Variants in WASF1 observed in about 807,000 individuals in gnomAD.
The protein encoded by WASF1 is actin-binding protein WASF1.
WASF1 carries 7 observed loss-of-function variants against 50.5 expected under a neutral mutation model. The ratio of observed to expected loss-of-function variants is 0.14; its 90% confidence interval spans 0.08 to 0.26. The LOEUF is 0.26. WASF1 is among the 10% of genes least tolerant of loss of function. The probability of loss-of-function intolerance (pLI) is 1.00; values close to 1 mark genes in which losing one functional copy is unlikely to be tolerated. For missense variants in WASF1, 470 were observed against 694.7 expected (o/e 0.68, Z 3.64); for synonymous variants, 205 against 244.0 (o/e 0.84, Z 1.49).
intron 3 of WASF1, among the ~76,000 whole-genome samples, chr6:110,148,157 G>A (rs1278072340): frequency 1.3e-5 from 2 of 152,142 alleles, no homozygotes; most frequent in East Asian, 1.9e-4. Context: ...TCTTCATATT[G>A]CAAGTATTTC....
intron 2 of WASF1, among the ~76,000 whole-genome samples, chr6:110,174,538 A>C (rs1420164340): frequency 6.6e-6 from 1 of 152,210 alleles, no homozygotes; most frequent in Non-Finnish European, 1.5e-5. Context: ...TTATCAGTAA[A>C]AGGGGAGATA....
At chr6:110,141,408 T>A (rs1369271905) in intron 3 of WASF1, among the ~76,000 whole-genome samples, 1 of 152,196 alleles carries the variant, frequency 6.6e-6, no homozygotes, top group Non-Finnish European at 1.5e-5. Flanking sequence ...AATATATAAT[T>A]GTTCAAGACT....
intron 2 of WASF1, among the ~76,000 whole-genome samples, chr6:110,165,819 G>C (rs1776453372): frequency 6.6e-6 from 1 of 151,602 alleles, no homozygotes; most frequent in Non-Finnish European, 1.5e-5. Flanking sequence ...CTGAACTTCT[G>C]AATCAGAATC....
chr6:110,103,671 T>A (rs1349085806), intron 8 of WASF1, 114 bp from the exon 9 acceptor site: 14 of 989,962 alleles, frequency 1.4e-5, no homozygotes, highest in Non-Finnish European at 1.8e-5. Context: ...ATTTTAACTA[T>A]TTTTAAGAAA....
chr6:110,153,985 G>A (rs2114587226), intron 3 of WASF1, among the ~76,000 whole-genome samples: 1 of 152,236 alleles, frequency 6.6e-6, no homozygotes, highest in East Asian at 1.9e-4. Flanking sequence ...GTAGGGAGAA[G>A]AAGAGTTGAG....
chr6:110,149,197 T>C (rs1388772669), intron 3 of WASF1, among the ~76,000 whole-genome samples: 2 of 152,122 alleles, frequency 1.3e-5, no homozygotes, highest in Non-Finnish European at 2.9e-5. Context: ...GTGGCTTTCC[T>C]TTTTTTCCCC....
At chr6:110,136,932 T>TC (rs1408341519) in intron 3 of WASF1, among the ~76,000 whole-genome samples, 1 of 152,232 alleles carries the variant, frequency 6.6e-6, no homozygotes, top group East Asian at 1.9e-4. Context: ...TAAAATTTTC[T>TC]CACATCAACC....
At chr6:110,177,913 A>G (rs989445720) in intron 2 of WASF1, among the ~76,000 whole-genome samples, 1 of 151,926 alleles carries the variant, frequency 6.6e-6, no homozygotes, top group Non-Finnish European at 1.5e-5. Context: ...TAACATAAAA[A>G]TCAAGTAACC....
At chr6:110,173,822 T>C (rs1776814902) in intron 2 of WASF1, among the ~76,000 whole-genome samples, 1 of 152,144 alleles carries the variant, frequency 6.6e-6, no homozygotes, top group South Asian at 2.1e-4. Flanking sequence ...AGAAAACAAA[T>C]TATTCAACCT....
chr6:110,108,137 CAAAAAAAAA>C (rs369773397), intron 6 of WASF1, among the ~76,000 whole-genome samples: 2 of 50,206 alleles, frequency 4.0e-5, no homozygotes, highest in Non-Finnish European at 6.6e-5. Flanking sequence ...GACTCCGCCT[CAAAAAAAAA>C]AAAAAAAAAA....
chr6:110,139,875 A>G (rs1254387763), intron 3 of WASF1, among the ~76,000 whole-genome samples: 1 of 152,186 alleles, frequency 6.6e-6, no homozygotes, highest in African/African-American at 2.4e-5. Context: ...AATAATAGAA[A>G]ATTATAATAA....
At chr6:110,112,999 A>G (rs1351438863) in intron 5 of WASF1, among the ~76,000 whole-genome samples, 1 of 152,118 alleles carries the variant, frequency 6.6e-6, no homozygotes, top group Non-Finnish European at 1.5e-5. Flanking sequence ...ACAAAAGTAT[A>G]CAAATAAATT....
intron 3 of WASF1, among the ~76,000 whole-genome samples, chr6:110,144,911 C>A (rs1345468175): frequency 6.6e-6 from 1 of 152,072 alleles, no homozygotes; most frequent in Non-Finnish European, 1.5e-5. Flanking sequence ...CAGCTTTGTT[C>A]TTTTGGCTTA....
chr6:110,146,879 C>CCTT (rs2114569544), intron 3 of WASF1, among the ~76,000 whole-genome samples: 3 of 152,134 alleles, frequency 2.0e-5, no homozygotes, highest in African/African-American at 7.2e-5. Flanking sequence ...TCATGAATCT[C>CCTT]TAAAGGAGAT....
intron 3 of WASF1, among the ~76,000 whole-genome samples, chr6:110,142,952 TAAAAAAA>T (rs5879060): frequency 5.0e-5 from 6 of 119,182 alleles, no homozygotes; most frequent in Non-Finnish European, 8.4e-5. Context: ...CCCAATGATG[TAAAAAAA>T]AAAAAAAAAA....
At chr6:110,119,345 T>A (rs1474535016) in intron 4 of WASF1, among the ~76,000 whole-genome samples, 3 of 151,884 alleles carry the variant, frequency 2.0e-5, no homozygotes, top group Non-Finnish European at 4.4e-5. Flanking sequence ...CAATAAAAAA[T>A]GATAAAGGGG....
chr6:110,174,848 C>T (rs1433645523), intron 2 of WASF1, among the ~76,000 whole-genome samples: 1 of 152,134 alleles, frequency 6.6e-6, no homozygotes, highest in Non-Finnish European at 1.5e-5. Flanking sequence ...CCTCACAGCA[C>T]CCTGATCTTT....
chr6:110,115,928 G>T (rs1052018334), intron 4 of WASF1, among the ~76,000 whole-genome samples: 1 of 152,204 alleles, frequency 6.6e-6, no homozygotes, highest in African/African-American at 2.4e-5. Flanking sequence ...GCGTGGCAAG[G>T]TATGGATCTT....
chr6:110,130,392 C>T (rs956401442), intron 3 of WASF1, among the ~76,000 whole-genome samples: 4 of 152,066 alleles, frequency 2.6e-5, no homozygotes, highest in Non-Finnish European at 5.9e-5. Flanking sequence ...TAAGCATTTC[C>T]TTGTTTTTCT....
Sources: gnomAD v4.1 joint callset for allele counts (sites outside exome capture counted in the v4.1 genomes callset) on GRCh38, gnomAD v4.1.1 for gene constraint, MANE v1.5 for transcripts, NCBI Gene and HGNC (gene_info 2026-07-23, HGNC 2026-07-21) for gene names.